Variants in PDS5B observed in about 807,000 individuals in gnomAD.
PDS5B encodes sister chromatid cohesion protein PDS5 homolog B.
PDS5B carries 51 observed loss-of-function variants against 184.1 expected under a neutral mutation model. That is an observed-to-expected ratio of 0.28 (90% CI 0.22 to 0.35). PDS5B has a LOEUF of 0.35. Ranked by LOEUF, PDS5B falls within the 10% of genes least tolerant of loss-of-function variation. PDS5B has a pLI of 1.00. For synonymous variants in PDS5B, 566 were observed against 569.2 expected (o/e 0.99, Z 0.08); for missense variants, 1,180 against 1,723.3 (o/e 0.68, Z 5.58).
At chr13:32,686,058 G>T (rs1951378244) in intron 11 of PDS5B, among the ~76,000 whole-genome samples, 1 of 152,124 alleles carries the variant, frequency 6.6e-6, no homozygotes, top group South Asian at 2.1e-4. Flanking sequence ...GGAATAATTT[G>T]TTGCTATGAA....
At chr13:32,596,738 A>G (rs188186645) in intron 1 of PDS5B, among the ~76,000 whole-genome samples, 1 of 152,192 alleles carries the variant, frequency 6.6e-6, no homozygotes, top group Admixed American at 6.5e-5. Context: ...TTTCCTTGAT[A>G]TCTAGTGATG....
chr13:32,667,905 G>A, intron 7 of PDS5B, 61 bp downstream of exon 7: 1 of 948,108 alleles, frequency 1.1e-6, no homozygotes, highest in Non-Finnish European at 1.6e-6. Flanking sequence ...AGACTTGCTA[G>A]AAGCAAAATT....
At chr13:32,763,973 T>A (rs1254779281) in intron 30 of PDS5B, among the ~76,000 whole-genome samples, 1 of 152,170 alleles carries the variant, frequency 6.6e-6, no homozygotes, top group Non-Finnish European at 1.5e-5. Context: ...TTTATATGAA[T>A]GCCAACTCTA....
At chr13:32,721,303 C>T (rs1390133536) in intron 19 of PDS5B, among the ~76,000 whole-genome samples, 3 of 149,986 alleles carry the variant, frequency 2.0e-5, no homozygotes, top group South Asian at 2.1e-4. Context: ...GGCTGCCGGG[C>T]GGGGGAACCC....
At chr13:32,612,133 AGTTTT>A in intron 1 of PDS5B, among the ~76,000 whole-genome samples, 1 of 150,840 alleles carries the variant, frequency 6.6e-6, no homozygotes, top group South Asian at 2.1e-4. Context: ...TTTCTCAGGG[AGTTTT>A]CCTTACCTCA....
chr13:32,616,814 A>G (rs1198596417), intron 1 of PDS5B, among the ~76,000 whole-genome samples: 3 of 152,196 alleles, frequency 2.0e-5, no homozygotes, highest in Non-Finnish European at 2.9e-5. Context: ...CTCATTTTTC[A>G]GTTGTCCTAG....
At chr13:32,766,855 T>C (rs1954602819) in intron 31 of PDS5B, among the ~76,000 whole-genome samples, 1 of 152,178 alleles carries the variant, frequency 6.6e-6, no homozygotes, top group Non-Finnish European at 1.5e-5. Flanking sequence ...CACCAACCTT[T>C]TCCAGAGCTT....
intron 31 of PDS5B, among the ~76,000 whole-genome samples, chr13:32,769,568 A>G (rs1482193558): frequency 3.9e-5 from 6 of 152,210 alleles, no homozygotes; most frequent in Admixed American, 3.9e-4. Context: ...ATACCTAGAA[A>G]GAAGCAGTAT....
At chr13:32,617,152 A>G (rs1014480620) in intron 1 of PDS5B, among the ~76,000 whole-genome samples, 2 of 152,202 alleles carry the variant, frequency 1.3e-5, no homozygotes, top group African/African-American at 4.8e-5. Flanking sequence ...CTGAATAAAT[A>G]ACCTCTGGCT....
At chr13:32,653,755 C>A (rs1256728480) in intron 3 of PDS5B, among the ~76,000 whole-genome samples, 1 of 152,158 alleles carries the variant, frequency 6.6e-6, no homozygotes, top group African/African-American at 2.4e-5. Flanking sequence ...ATGTGAATTT[C>A]TCATTTGGAG....
intron 19 of PDS5B, among the ~76,000 whole-genome samples, chr13:32,716,111 C>T (rs1189296168): frequency 1.3e-5 from 2 of 152,110 alleles, no homozygotes; most frequent in East Asian, 3.9e-4. Flanking sequence ...GCGTCTCTGC[C>T]TGGCCGCCCA....
At chr13:32,722,444 C>T (rs1402477430) in intron 19 of PDS5B, among the ~76,000 whole-genome samples, 8 of 152,174 alleles carry the variant, frequency 5.3e-5, no homozygotes, top group African/African-American at 1.9e-4. Flanking sequence ...CAGATATTTA[C>T]CACTGTGTTA....
Position 32,775,021 on chromosome 13 carries a change from G to C in PDS5B, c.4313G>C (p.Arg1438Pro), listed in dbSNP as rs762836394. 9 of 1,612,746 alleles carry C rather than the reference G, an allele frequency of 5.6e-6. No individual in the cohort carries two copies. The highest frequency in any genetic ancestry group is 7.6e-6 in the Non-Finnish European group (9 of 1,179,304). Residue 1438 changes from arginine (R) to proline (P), a missense_variant, in exon 35 of 35, where the codon CGG (arginine) becomes CCG (proline). This residue lies in a region of PDS5B where 465 missense variants were observed against 497.8 expected (regional missense o/e 0.93). Transcript: ENST00000315596. ...EEEEVSTVNV[R>P]RRSAKRERR ...TCTGGTGACTTTCCTTTTAAGGTAC[G>C]GCGGCGAAGTGCTAAAAGGGAACGG...
At chr13:32,642,005 TTAAA>T (rs1255021461) in intron 1 of PDS5B, among the ~76,000 whole-genome samples, 11 of 152,300 alleles carry the variant, frequency 7.2e-5, no homozygotes, top group African/African-American at 2.6e-4. Context: ...CAATAAATAT[TTAAA>T]TAAATGGCCT....
chr13:32,664,067 G>C (rs1950721438), intron 6 of PDS5B, among the ~76,000 whole-genome samples: 2 of 152,144 alleles, frequency 1.3e-5, no homozygotes, highest in South Asian at 4.1e-4. Context: ...TTTTATCGCT[G>C]AGTAGTATTC....
chr13:32,684,192 C>T (rs115504607), intron 11 of PDS5B, among the ~76,000 whole-genome samples, 169 bp downstream of exon 11: 1 of 152,000 alleles, frequency 6.6e-6, no homozygotes, highest in African/African-American at 2.4e-5. Context: ...CTTTCTGTTA[C>T]ATTAAATTGT....
intron 19 of PDS5B, among the ~76,000 whole-genome samples, chr13:32,731,652 C>T (rs894541996): frequency 6.6e-6 from 1 of 152,040 alleles, no homozygotes; most frequent in African/African-American, 2.4e-5. Flanking sequence ...GCTTAATAAG[C>T]ATTGTTTAAT....
At chr13:32,758,493 C>A (rs762061305) in intron 27 of PDS5B, 41 bp from the exon 28 acceptor site, 3 of 1,577,768 alleles carry the variant, frequency 1.9e-6, no homozygotes, top group African/African-American at 1.4e-5. Flanking sequence ...GTCTAGATTG[C>A]CAGCTTAAGT....
At chr13:32,708,162 C>A (rs1219527755) in intron 18 of PDS5B, among the ~76,000 whole-genome samples, 3 of 152,166 alleles carry the variant, frequency 2.0e-5, no homozygotes, top group Non-Finnish European at 4.4e-5. Flanking sequence ...ACTCTCTGCA[C>A]CCTACCTATG....
Sources: gnomAD v4.1 joint callset for allele counts (sites outside exome capture counted in the v4.1 genomes callset) on GRCh38, gnomAD v4.1.1 for gene constraint, gnomAD v4.1.1 regional missense constraint, MANE v1.5 for transcripts, NCBI Gene and HGNC (gene_info 2026-07-23, HGNC 2026-07-21) for gene names.